Variants in ADGRV1 observed in about 807,000 individuals in gnomAD.
ADGRV1 encodes G-protein coupled receptor 98.
In ADGRV1, 359 loss-of-function variants were observed where a neutral mutation model predicts 596.2. The ratio of observed to expected loss-of-function variants is 0.60; its 90% confidence interval spans 0.55 to 0.66. The LOEUF is 0.66. ADGRV1 is among the 30% of genes least tolerant of loss of function. The probability of loss-of-function intolerance (pLI) is 0.00; values close to 1 mark genes in which losing one functional copy is unlikely to be tolerated. For missense variants in ADGRV1, 7,274 were observed against 7,575.6 expected, an observed-to-expected ratio of 0.96 and a Z score of 1.48; for synonymous variants, 2,681 against 2,679.2, an observed-to-expected ratio of 1.00 and a Z score of -0.02.
chr5:90,622,755 A>T, intron 5 of ADGRV1, 54 bp downstream of exon 5: 3 of 894,820 alleles, frequency 3.4e-6, no homozygotes, highest in Non-Finnish European at 4.8e-6. Flanking sequence ...TTATTTATTT[A>T]TTTTTGAGAC....
chr5:91,057,835 T>G (rs1053950488), intron 85 of ADGRV1, among the ~76,000 whole-genome samples: 6 of 152,146 alleles, frequency 3.9e-5, no homozygotes, highest in African/African-American at 1.4e-4. Context: ...AATTTTTGTA[T>G]TATGCAAAAA....
intron 10 of ADGRV1, among the ~76,000 whole-genome samples, chr5:90,637,123 C>A (rs1431071275): frequency 6.6e-6 from 1 of 152,096 alleles, no homozygotes; most frequent in Non-Finnish European, 1.5e-5. Context: ...AATAGGGAAT[C>A]ATTAGCTTTA....
intron 85 of ADGRV1, among the ~76,000 whole-genome samples, chr5:91,050,976 G>A (rs1786269169): frequency 1.3e-5 from 2 of 152,374 alleles, no homozygotes; most frequent in South Asian, 2.1e-4. Context: ...TAACCCTGGA[G>A]CCTCGAACAT....
chr5:90,567,472 T>C (rs1303612283), intron 1 of ADGRV1, among the ~76,000 whole-genome samples: 2 of 152,204 alleles, frequency 1.3e-5, no homozygotes, highest in African/African-American at 2.4e-5. Context: ...TTGCAATTAC[T>C]AATTCAATCT....
rs1988788 is a variant in ADGRV1, at chr5:90,662,184, C to A, written c.4752+3906C>A. Reference sequence around the variant, plus strand: ...TATTGTTTAATCATTTTTGGTTAAACAACTTTTTTTTTTTTTTTTTTTTGA... The same window carrying A: ...TATTGTTTAATCATTTTTGGTTAAAAAACTTTTTTTTTTTTTTTTTTTTGA... On this transcript the variant is annotated intron_variant, in intron 21 of 89. Coordinates refer to ENST00000405460, the MANE Select transcript of ADGRV1 (RefSeq NM_032119.4). Among the ~76,000 whole-genome samples, 52 of 140,960 alleles carry A rather than the reference C, an allele frequency of 3.7e-4. 9 individuals are homozygous for A. The highest frequency in any genetic ancestry group is 6.7e-4 in the South Asian group (3 of 4,476). 92.5% of individuals were successfully genotyped at this position (140,960 alleles called of 152,430 possible).
At chr5:90,831,231 C>A (rs146008715) in intron 77 of ADGRV1, among the ~76,000 whole-genome samples, 4,259 of 150,924 alleles carry the variant, frequency 0.028, 53 homozygotes, top group East Asian at 0.06. Context: ...CTCTCTCTCT[C>A]TCTCTATATA....
intron 76 of ADGRV1, among the ~76,000 whole-genome samples, chr5:90,826,747 C>G (rs547965797): frequency 6.6e-6 from 1 of 152,270 alleles, no homozygotes; most frequent in African/African-American, 2.4e-5. Context: ...CACAGAATTA[C>G]ACCACTCATT....
intron 79 of ADGRV1, among the ~76,000 whole-genome samples, chr5:90,849,198 G>A (rs1766229873): frequency 6.6e-6 from 1 of 152,094 alleles, no homozygotes; most frequent in African/African-American, 2.4e-5. Context: ...AAACAACTGT[G>A]ATTGTTCTGT....
At chr5:90,575,004 G>T (rs1467629287) in intron 1 of ADGRV1, among the ~76,000 whole-genome samples, 10 of 151,830 alleles carry the variant, frequency 6.6e-5, no homozygotes, top group Admixed American at 2.6e-4. Context: ...CTAGCCAGGG[G>T]TTTATCAATT....
At chr5:91,150,775 C>T (rs919058128) in intron 88 of ADGRV1, among the ~76,000 whole-genome samples, 2 of 152,178 alleles carry the variant, frequency 1.3e-5, no homozygotes, top group African/African-American at 2.4e-5. Flanking sequence ...ATTGGAAAAT[C>T]TAGCCAGGAT....
At chr5:90,768,284 A>G (rs1757349376) in intron 59 of ADGRV1, among the ~76,000 whole-genome samples, 1 of 152,150 alleles carries the variant, frequency 6.6e-6, no homozygotes, top group African/African-American at 2.4e-5. Flanking sequence ...CATTTCATGT[A>G]CAACTGTGTA....
At chr5:90,635,604 T>TTC (rs200608325) in intron 10 of ADGRV1, among the ~76,000 whole-genome samples, 27,239 of 151,622 alleles carry the variant, frequency 0.18, 2,606 homozygotes, top group East Asian at 0.4. Flanking sequence ...TTTTTTTTTT[T>TTC]TTCTTTGAGA....
intron 1 of ADGRV1, among the ~76,000 whole-genome samples, chr5:90,603,894 GCACACACGTGTGTGCAGGCACGTA>G: frequency 7.4e-6 from 1 of 135,924 alleles, no homozygotes; most frequent in South Asian, 2.7e-4. Flanking sequence ...GTACGTGCCT[GCACACACGTGTGTGCAGGCACGTA>G]CACACACATG....
At chr5:90,613,720 T>G (rs78623274) in intron 1 of ADGRV1, among the ~76,000 whole-genome samples, 3,222 of 152,210 alleles carry the variant, frequency 0.021, 100 homozygotes, top group African/African-American at 0.067. Context: ...TTGAGCAGTC[T>G]CAGACTGCAT....
rs751571356 is a variant in ADGRV1, at chr5:90,705,547, A to G, written c.8534A>G (p.Gln2845Arg). 6.2e-7 allele frequency: 1 copy of G among 1,613,866 alleles called. No homozygotes were observed. Among genetic ancestry groups the G allele is most frequent in the Non-Finnish European group, 8.5e-7 (1 of 1,179,808 alleles). ...VLLQEANITI[Q>R]LFINREFGSL... ...CTACAAGAGGCTAACATAACAATTC[A>G]GCTTTTCATCAACAGAGAATTTGGA... Residue 2845 changes from glutamine (Q) to arginine (R), a missense_variant, in exon 37 of 90, where the codon CAG becomes CGG. Transcript: ENST00000405460.
intron 87 of ADGRV1, among the ~76,000 whole-genome samples, chr5:91,110,443 T>C (rs1370144293): frequency 1.3e-5 from 2 of 152,202 alleles, no homozygotes; most frequent in South Asian, 2.1e-4. Context: ...GCCATTCTGA[T>C]TGGGCAATGC....
intron 85 of ADGRV1, among the ~76,000 whole-genome samples, chr5:91,028,483 C>T (rs564570060): frequency 6.6e-6 from 1 of 152,162 alleles, no homozygotes; most frequent in East Asian, 1.9e-4. Flanking sequence ...TCATTTTGCT[C>T]TTTTTTGTCC....
Position 90,774,243 on chromosome 5 carries a change from G to A in ADGRV1, c.12343G>A (p.Asp4115Asn), listed in dbSNP as rs539747361. The change falls in exon 60 of 90, where the codon GAC (aspartate) becomes AAC (asparagine). Residue 4115 changes from aspartate to asparagine, a missense_variant. Asp to Asn is a conservative substitution (Grantham distance 23, BLOSUM62 1). Around this residue, in one of 5 missense-constraint regions of ADGRV1, gnomAD observed 3,643 missense variants for 3,809.2 expected, o/e 0.96. Coordinates refer to ENST00000405460, the MANE Select transcript of ADGRV1 (RefSeq NM_032119.4). Reference protein sequence around the residue: ...HTLQDTVLEEDRRFTIQLISI... With the variant: ...HTLQDTVLEENRRFTIQLISI... The stretch of plus-strand genomic sequence containing the variant: ...ACTTCAAGACACAGTGTTGGAGGAG[G>A]ACAGGCGTTTCACCATTCAGCTGAT... The A allele has an allele frequency of 4.3e-6, 7 of 1,611,820 alleles. No individual in the cohort carries two copies. Among genetic ancestry groups the A allele is most frequent in the South Asian group, 1.1e-5 (1 of 91,026 alleles).
Position 90,558,973 on chromosome 5 carries a change from C to T in ADGRV1, c.22+56C>T, listed in dbSNP as rs7706392. 0.014 allele frequency: 20,869 copies of T among 1,495,974 alleles called. 1,525 individuals are homozygous for T. In the African/African-American group the frequency reaches 0.2, roughly 15 times the overall value. 92.7% of individuals were successfully genotyped at this position (1,495,974 alleles called of 1,614,324 possible). On this transcript the variant is annotated intron_variant, in intron 1 of 89. Transcript: ENST00000405460. ...GCATCGCTGAGCCCCAGGGGAGCGC[C>T]TCAGCATCAGCACCTGTTGCTGCAG...
Sources: allele counts gnomAD v4.1 joint callset (sites outside exome capture counted in the v4.1 genomes callset), GRCh38; gene constraint gnomAD v4.1.1; regional missense constraint gnomAD v4.1.1; transcripts MANE v1.5; gene names NCBI Gene and HGNC (gene_info 2026-07-23, HGNC 2026-07-21).